Variants in CAMTA1 observed in about 807,000 individuals in gnomAD.
CAMTA1 encodes the protein calmodulin-binding transcription activator 1.
In CAMTA1, 27 loss-of-function variants were observed where a neutral mutation model predicts 170.9. The ratio of observed to expected loss-of-function variants is 0.16; its 90% CI spans 0.12 to 0.22. The LOEUF (loss-of-function observed/expected upper bound fraction) is 0.22, where lower values mean the gene tolerates loss of function less well. Ranked by LOEUF, CAMTA1 falls within the 10% of genes least tolerant of loss-of-function variation. The pLI, the probability that CAMTA1 is intolerant of heterozygous loss-of-function variation, is 1.00. For missense variants in CAMTA1, 1,619 were observed against 2,217.2 expected, an observed-to-expected ratio of 0.73 and a Z score of 5.42; for synonymous variants, 833 against 891.5, an observed-to-expected ratio of 0.93 and a Z score of 1.17.
chr1:7,098,764 G>T (rs774267371), intron 4 of CAMTA1, among the ~76,000 whole-genome samples: 3 of 152,186 alleles, frequency 2.0e-5, no homozygotes, highest in Non-Finnish European at 2.9e-5. Flanking sequence ...GCCTGGTGGG[G>T]TATTGTCACA....
intron 3 of CAMTA1, among the ~76,000 whole-genome samples, chr1:6,906,435 T>C (rs1678499452): frequency 6.6e-6 from 1 of 152,136 alleles, no homozygotes; most frequent in South Asian, 2.1e-4. Flanking sequence ...CTCCCAGCCT[T>C]AAATCAACCA....
intron 5 of CAMTA1, among the ~76,000 whole-genome samples, chr1:7,417,255 C>T (rs1243268936): frequency 6.6e-6 from 1 of 152,284 alleles, no homozygotes; most frequent in African/African-American, 2.4e-5. Flanking sequence ...TCTGCCCGTT[C>T]TCAGATCTCC....
chr1:7,668,903 G>T (rs1471006087), intron 9 of CAMTA1, among the ~76,000 whole-genome samples: 1 of 152,130 alleles, frequency 6.6e-6, no homozygotes, highest in East Asian at 1.9e-4. Context: ...AGGATCCTGG[G>T]GGATGGTGCC....
intron 5 of CAMTA1, among the ~76,000 whole-genome samples, chr1:7,289,447 C>G (rs148893833): frequency 6.6e-6 from 1 of 152,104 alleles, no homozygotes; most frequent in Admixed American, 6.5e-5. Flanking sequence ...ACCCTGTCCT[C>G]GGAGGCAGGT....
At chr1:7,557,441 TG>T (rs1428736570) in intron 6 of CAMTA1, among the ~76,000 whole-genome samples, 2 of 152,212 alleles carry the variant, frequency 1.3e-5, no homozygotes, top group Non-Finnish European at 2.9e-5. Context: ...AGTGAGGATT[TG>T]GGCTGGATGC....
Position 6,934,827 on chromosome 1 carries a change from C to T in CAMTA1, c.234+109617C>T, listed in dbSNP as rs190105450. Among the ~76,000 whole-genome samples, 7 of 152,238 alleles carry T rather than the reference C, an allele frequency of 4.6e-5. No individual in the cohort carries two copies. Among genetic ancestry groups the T allele is most frequent in the Admixed American group, 3.3e-4 (5 of 15,292 alleles). ...GATGTGCCATTTCTTTGGGCTTTTC[C>T]GAGGACTGCTCACTTGAGGCTTCCC... On this transcript the variant is annotated intron_variant, in intron 3 of 22. Coordinates refer to ENST00000303635, the MANE Select transcript of CAMTA1 (RefSeq NM_015215.4). This position sits in a 1 kb window ranked among gnomAD's most constrained non-coding sequence, Gnocchi z 4.5.
intron 3 of CAMTA1, among the ~76,000 whole-genome samples, chr1:6,899,552 G>A (rs61780892): frequency 0.023 from 2,407 of 104,726 alleles, 28 homozygotes; most frequent in Non-Finnish European, 0.028. Context: ...GCACGCGCGC[G>A]CGCACACACA....
At chr1:7,205,778 C>T (rs183038532) in intron 4 of CAMTA1, among the ~76,000 whole-genome samples, 1 of 152,100 alleles carries the variant, frequency 6.6e-6, no homozygotes, top group Non-Finnish European at 1.5e-5. Flanking sequence ...AGTAAGAAAA[C>T]CTCTTCCTAC....
intron 6 of CAMTA1, among the ~76,000 whole-genome samples, chr1:7,566,523 G>A (rs765445460): frequency 1.3e-5 from 2 of 151,914 alleles, no homozygotes; most frequent in African/African-American, 2.4e-5. Flanking sequence ...CCTCCCTCCC[G>A]TGGTTGTTGA....
chr1:7,461,414 A>T (rs147746010), intron 5 of CAMTA1, among the ~76,000 whole-genome samples: 2 of 152,210 alleles, frequency 1.3e-5, no homozygotes, highest in African/African-American at 4.8e-5. Context: ...GTGCTGTCCA[A>T]TGTGGTAGCC....
chr1:7,751,750 G>C (rs1204846852), intron 20 of CAMTA1, among the ~76,000 whole-genome samples: 1 of 150,450 alleles, frequency 6.6e-6, no homozygotes, highest in African/African-American at 2.4e-5. Flanking sequence ...CCCGCTGCCA[G>C]CACTCATGTA....
At chr1:7,058,104 C>T (rs1192337785) in intron 3 of CAMTA1, among the ~76,000 whole-genome samples, 2 of 152,140 alleles carry the variant, frequency 1.3e-5, no homozygotes, top group Non-Finnish European at 2.9e-5. Context: ...TCCCCTCACA[C>T]CAGATGGCTA....
Position 7,143,627 on chromosome 1 carries a change from C to G in CAMTA1, c.302+52256C>G, listed in dbSNP as rs769528687. On this transcript the variant is annotated intron_variant, in intron 4 of 22. Transcript: ENST00000303635. ...TCTTCTCCCAAAGGATTCAGGATGCCCTGGGTATTGTGTCATACCATCTTC... is the reference window on the plus strand; with the variant it reads ...TCTTCTCCCAAAGGATTCAGGATGCGCTGGGTATTGTGTCATACCATCTTC... 9.9e-5 allele frequency among the ~76,000 whole-genome samples: 15 copies of G among 152,132 alleles called. 1 individual carries two copies. Among genetic ancestry groups the G allele is most frequent in the Admixed American group, 3.3e-4 (5 of 15,276 alleles).
chr1:7,359,269 C>T (rs915157295), intron 5 of CAMTA1, among the ~76,000 whole-genome samples: 2 of 152,094 alleles, frequency 1.3e-5, no homozygotes, highest in African/African-American at 4.8e-5. Flanking sequence ...GTGCAGGGAC[C>T]ATGGAGAAGG....
At chr1:6,843,008 T>C (rs751971853) in intron 3 of CAMTA1, among the ~76,000 whole-genome samples, 20 of 152,180 alleles carry the variant, frequency 1.3e-4, no homozygotes, top group Non-Finnish European at 2.4e-4. Flanking sequence ...TGTACAGTTA[T>C]ATTATTAAAA....
At chr1:7,521,933 G>A (rs4908646) in intron 6 of CAMTA1, among the ~76,000 whole-genome samples, 118,858 of 152,208 alleles carry the variant, frequency 0.78, 46,791 homozygotes, top group African/African-American at 0.88. Context: ...ATTGAAGGAC[G>A]TCCGGATGTT....
At chr1:7,365,504 G>T (rs1574941584) in intron 5 of CAMTA1, among the ~76,000 whole-genome samples, 1 of 152,130 alleles carries the variant, frequency 6.6e-6, no homozygotes. Context: ...TAAACGTGCA[G>T]CCAAGCGTCT....
rs1224724738 is a variant in CAMTA1 at position 7,732,737 on chromosome 1, A to G, written c.3066+138A>G. Reference sequence around the variant, plus strand: ...GGCAGAAGGCCTGAGGGAGTACTTTACGGTACCTGTGCTTTTAAGCATTAT... The same window carrying G: ...GGCAGAAGGCCTGAGGGAGTACTTTGCGGTACCTGTGCTTTTAAGCATTAT... On this transcript the variant is annotated intron_variant, in intron 12 of 22. Transcript: ENST00000303635. The surrounding 1 kb of genome is among the most constrained non-coding windows in gnomAD (Gnocchi z 4.1). 8.1e-7 allele frequency: 1 copy of G among 1,228,708 alleles called. No homozygotes were observed. Among genetic ancestry groups the G allele is most frequent in the Admixed American group, 2.9e-5 (1 of 34,314 alleles). The allele number at this position is 1,228,708 out of a possible 1,614,324, so 76.1% of individuals were successfully genotyped here.
chr1:7,459,518 T>A (rs7512869), intron 5 of CAMTA1, among the ~76,000 whole-genome samples: 14,542 of 152,242 alleles, frequency 0.096, 900 homozygotes, highest in Middle Eastern at 0.15. Flanking sequence ...ACCTACTTCT[T>A]CCTGACGTCT....
Sources: allele counts gnomAD v4.1 joint callset (sites outside exome capture counted in the v4.1 genomes callset), GRCh38; gene constraint gnomAD v4.1.1; non-coding constraint Gnocchi (gnomAD v3.1); transcripts MANE v1.5; gene names NCBI Gene and HGNC (gene_info 2026-07-23, HGNC 2026-07-21).